AK3: variants seen among roughly 807,000 people sequenced by gnomAD.
AK3 encodes the protein GTP:AMP phosphotransferase AK3, mitochondrial.
A neutral mutation model predicts 23.7 loss-of-function variants in AK3; 27 were observed. The observed-to-expected ratio is 1.14, with a 90% CI of 0.84 to 1.57. The LOEUF is 1.57. Among genes scored for constraint, AK3 ranks in the 40% most tolerant of loss-of-function variants. AK3 has a pLI of 0.00. For synonymous variants in AK3, 159 were observed against 116.0 expected (o/e 1.37, Z -2.38); for missense variants, 406 against 285.6 (o/e 1.42, Z -3.04).
chr9:4,720,858 C>T (rs1475855616), intron 2 of AK3, among the ~76,000 whole-genome samples: 1 of 152,116 alleles, frequency 6.6e-6, no homozygotes. Flanking sequence ...TAAAACTATA[C>T]CCAGGAAACC....
At chr9:4,722,378 G>A in intron 2 of AK3, 128 bp downstream of exon 2, 2 of 1,333,086 alleles carry the variant, frequency 1.5e-6, no homozygotes, top group East Asian at 2.4e-5. Context: ...ACTGGTTTCA[G>A]GATAGTCCCA....
At chr9:4,714,135 T>TCC (rs1350411447) in intron 4 of AK3, among the ~76,000 whole-genome samples, 8 of 145,152 alleles carry the variant, frequency 5.5e-5, no homozygotes, top group Non-Finnish European at 7.5e-5. Flanking sequence ...TATACACACC[T>TCC]ACACATATAC....
intron 1 of AK3, among the ~76,000 whole-genome samples, chr9:4,731,995 G>A (rs974245418): frequency 6.6e-6 from 1 of 152,114 alleles, no homozygotes; most frequent in Non-Finnish European, 1.5e-5. Context: ...TGACATCCAT[G>A]CTGGACTGCA....
rs751338127 is a variant in AK3, at chr9:4,722,641, G to GA, written c.152-17dup. 8 of 1,612,958 alleles carry GA rather than the reference G, an allele frequency of 5.0e-6. No individual in the cohort carries two copies. Among genetic ancestry groups the GA allele is most frequent in the South Asian group, 1.1e-5 (1 of 90,924 alleles). ...ACGCCAATTTCTACAGCAAAGCGGG[G>GA]AAAAAAATCAGTAAGTGCATTTGTT... On this transcript the variant is annotated splice_polypyrimidine_tract_variant and intron_variant, in intron 1 of 4. Transcript: ENST00000381809.
At chr9:4,714,468 G>T (rs887001210) in intron 4 of AK3, among the ~76,000 whole-genome samples, 12 of 152,146 alleles carry the variant, frequency 7.9e-5, no homozygotes, top group African/African-American at 2.9e-4. Context: ...TGCAAATACA[G>T]CATTCTTGGG....
At chr9:4,715,185 C>A (rs1841688541) in intron 4 of AK3, among the ~76,000 whole-genome samples, 2 of 136,098 alleles carry the variant, frequency 1.5e-5, no homozygotes, top group Admixed American at 8.2e-5. Flanking sequence ...CACCACTGCA[C>A]TCCAACCTGA....
chr9:4,713,961 TAC>T (rs1365242646), intron 4 of AK3, among the ~76,000 whole-genome samples: 1 of 97,918 alleles, frequency 1.0e-5, no homozygotes. Context: ...CCTACACATA[TAC>T]ACACCTCCAC....
chr9:4,713,975 T>TA (rs1491233938), intron 4 of AK3, among the ~76,000 whole-genome samples: 835 of 3,298 alleles, frequency 0.25, 132 homozygotes, highest in Middle Eastern at 0.31. Context: ...CACCTCCACA[T>TA]TTACACACCT....
At chr9:4,735,479 T>TACATATATAAATATATACATAGTA (rs758311463) in intron 1 of AK3, among the ~76,000 whole-genome samples, 1 of 69,128 alleles carries the variant, frequency 1.4e-5, no homozygotes, top group African/African-American at 6.2e-5. Flanking sequence ...TATATATATA[T>TACATATATAAATATATACATAGTA]TTTTTTTTTT....
intron 1 of AK3, among the ~76,000 whole-genome samples, chr9:4,737,106 T>C (rs999187117): frequency 1.3e-5 from 2 of 152,080 alleles, no homozygotes; most frequent in East Asian, 3.9e-4. Context: ...ACTATATAGT[T>C]CTTTACTATA....
rs776750541 is a variant in AK3 at position 4,741,110 on chromosome 9, C to T, written c.-23G>A. On this transcript the variant is annotated 5_prime_UTR_variant, in exon 1 of 5. Coordinates refer to ENST00000381809, the MANE Select transcript of AK3 (RefSeq NM_016282.4). The stretch of plus-strand genomic sequence containing the variant: ...CATGGCCGCAGACTGAGGCCCGCAC[C>T]GCGCGGGTACCAGGGCTTTGGCCTG... 10 of 1,494,010 alleles carry T rather than the reference C, an allele frequency of 6.7e-6. No homozygotes were observed. The highest frequency in any genetic ancestry group is 2.3e-5 in the Admixed American group (1 of 43,472). The allele number at this position is 1,494,010 out of a possible 1,614,324, so 92.5% of individuals were successfully genotyped here.
At chr9:4,736,950 T>C (rs1842308800) in intron 1 of AK3, among the ~76,000 whole-genome samples, 2 of 152,144 alleles carry the variant, frequency 1.3e-5, no homozygotes, top group Admixed American at 1.3e-4. Flanking sequence ...AGTGTTGAGA[T>C]TACAGGCATA....
intron 1 of AK3, among the ~76,000 whole-genome samples, chr9:4,723,501 TTAA>T (rs1006849288): frequency 1.1e-4 from 17 of 152,306 alleles, no homozygotes; most frequent in African/African-American, 3.8e-4. Context: ...TATGAACAAT[TTAA>T]TAATATTACC....
At chr9:4,740,271 G>C (rs982289918) in intron 1 of AK3, among the ~76,000 whole-genome samples, 2 of 152,126 alleles carry the variant, frequency 1.3e-5, no homozygotes, top group South Asian at 4.1e-4. Flanking sequence ...CCATTGTATA[G>C]TGTAGATTGT....
chr9:4,714,185 C>A lies in AK3; in HGVS notation c.564-1089G>T, dbSNP rs1162599944. On this transcript the variant is annotated intron_variant, in intron 4 of 4. Transcript: ENST00000381809. ...ACACACCTCCACACATACGCCTCCACATACACACACCTCCACATATACACC... is the reference window on the plus strand; with the variant it reads ...ACACACCTCCACACATACGCCTCCAAATACACACACCTCCACATATACACC... Among the ~76,000 whole-genome samples, 12 of 87,008 alleles carry A rather than the reference C, an allele frequency of 1.4e-4. 2 individuals are homozygous for A. The highest frequency in any genetic ancestry group is 5.4e-4 in the African/African-American group (12 of 22,200). The allele number at this position is 87,008 out of a possible 152,430, so 57.1% of individuals were successfully genotyped here.
intron 1 of AK3, among the ~76,000 whole-genome samples, chr9:4,732,389 A>C (rs439021): frequency 6.6e-6 from 1 of 152,028 alleles, no homozygotes; most frequent in Non-Finnish European, 1.5e-5. Context: ...GGCTATTTAA[A>C]TTTTGGGGAT....
At chr9:4,724,256 TTGGAAAAAAAAA>T (rs1348923156) in intron 1 of AK3, among the ~76,000 whole-genome samples, 5 of 151,936 alleles carry the variant, frequency 3.3e-5, no homozygotes, top group African/African-American at 1.2e-4. Context: ...TCAACAGCAT[TTGGAAAAAAAAA>T]TGTAAAAACA....
At position 4,722,494 on chromosome 9, in the gene AK3, G is replaced by T. The variant is rs755288788; in HGVS notation, c.271+12C>A. ...TTTTGGGCAGGTGAAATGCTCATGAGACTCCACTTACCATCCAACAGCCAG... is the reference window on the plus strand; with the variant it reads ...TTTTGGGCAGGTGAAATGCTCATGATACTCCACTTACCATCCAACAGCCAG... On this transcript the variant is annotated intron_variant, in intron 2 of 4. Transcript: ENST00000381809. 6.2e-7 allele frequency: 1 copy of T among 1,614,028 alleles called. No individual in the cohort carries two copies. The highest frequency in any genetic ancestry group is 2.2e-5 in the East Asian group (1 of 44,868).
intron 4 of AK3, among the ~76,000 whole-genome samples, chr9:4,717,911 C>T (rs528019404): frequency 2.6e-5 from 4 of 152,294 alleles, no homozygotes; most frequent in South Asian, 2.1e-4. Flanking sequence ...ATGAGACTGT[C>T]GCACTGCCAA....
Sources: allele counts gnomAD v4.1 joint callset (sites outside exome capture counted in the v4.1 genomes callset), GRCh38; gene constraint gnomAD v4.1.1; transcripts MANE v1.5; gene names NCBI Gene and HGNC (gene_info 2026-07-23, HGNC 2026-07-21).